ANXA6: variants seen among roughly 807,000 people sequenced by gnomAD.
ANXA6 encodes the protein annexin A6, also known as 67 kDa calelectrin.
In ANXA6, 71 loss-of-function variants were observed where a neutral mutation model predicts 95.4. The observed-to-expected ratio is 0.74, with a 90% CI of 0.61 to 0.91. The LOEUF is 0.91. ANXA6 is among the 40% of genes least tolerant of loss of function. The pLI, the probability that ANXA6 is intolerant of heterozygous loss-of-function variation, is 0.00. For missense variants in ANXA6, 830 were observed against 876.4 expected, an observed-to-expected ratio of 0.95 and a Z score of 0.67; for synonymous variants, 289 against 315.9, an observed-to-expected ratio of 0.91 and a Z score of 0.90.
chr5:151,143,801 A>G (rs1322482231), intron 2 of ANXA6, among the ~76,000 whole-genome samples: 1 of 152,076 alleles, frequency 6.6e-6, no homozygotes, highest in East Asian at 1.9e-4. Flanking sequence ...ATGACTGCGA[A>G]TATATTCCAA....
rs549273043 is a variant in ANXA6 at position 151,151,563 on chromosome 5, C to G, written c.-25-3637G>C. 5 of 152,336 alleles carry G rather than the reference C, an allele frequency of 3.3e-5. No individual in the cohort carries two copies. The South Asian group carries it at 8.3e-4, about 25-fold the overall frequency. The allele number at this position is 152,336 out of a possible 1,614,324, so 9.4% of individuals were successfully genotyped here. A position where few individuals can be genotyped will look rare whatever the true frequency, so the allele number is the denominator to read the frequency against. On this transcript the variant is annotated intron_variant, in intron 1 of 25. Transcript: ENST00000354546. ...CCCTGGTTCTGGTTCCCAGTCTGCC[C>G]CCATGTAACCTCAGGCAAGCCAGAT...
At chr5:151,126,543 AAC>A (rs3079845) in intron 13 of ANXA6, 63 bp from the exon 14 acceptor site, 139,071 of 805,580 alleles carry the variant, frequency 0.17, 2,981 homozygotes, top group Admixed American at 0.26. Context: ...CACTCACACC[AAC>A]ACACACACAC....
chr5:151,132,652 G>T (rs1765549772), intron 9 of ANXA6, 81 bp from the exon 10 acceptor site: 1 of 1,212,206 alleles, frequency 8.2e-7, no homozygotes. Flanking sequence ...GAGCAGGGGG[G>T]CACAGTGGCC....
chr5:151,109,963 G>A, intron 21 of ANXA6, 117 bp from the exon 22 acceptor site: 1 of 747,112 alleles, frequency 1.3e-6, no homozygotes, highest in Non-Finnish European at 2.3e-6. Context: ...GGCTCACCCA[G>A]CCATCCAAGG....
chr5:151,153,113 G>GA (rs1766147144), intron 1 of ANXA6, among the ~76,000 whole-genome samples: 1 of 152,146 alleles, frequency 6.6e-6, no homozygotes, highest in African/African-American at 2.4e-5. Flanking sequence ...AAGCTCAGCA[G>GA]TCGAGGCCAT....
chr5:151,102,492 T>C (rs1159006253), intron 25 of ANXA6, among the ~76,000 whole-genome samples: 2 of 152,078 alleles, frequency 1.3e-5, no homozygotes, highest in South Asian at 2.1e-4. Flanking sequence ...TCACTTGAGG[T>C]CAGGAGCTAG....
chr5:151,102,868 T>C (rs1581971716), intron 25 of ANXA6, among the ~76,000 whole-genome samples: 2 of 152,162 alleles, frequency 1.3e-5, no homozygotes, highest in South Asian at 4.1e-4. Context: ...GAGAGCTTAG[T>C]GGGATGATAG....
intron 7 of ANXA6, among the ~76,000 whole-genome samples, chr5:151,135,156 C>T (rs910659386): frequency 3.9e-5 from 6 of 152,152 alleles, no homozygotes; most frequent in African/African-American, 9.7e-5. Flanking sequence ...TATGGCCATC[C>T]CCTCTTCCCC....
chr5:151,107,025 T>C (rs1174725897), intron 23 of ANXA6, among the ~76,000 whole-genome samples: 3 of 152,166 alleles, frequency 2.0e-5, no homozygotes, highest in Non-Finnish European at 4.4e-5. Context: ...GAACATGAGC[T>C]TTGGAGGTAG....
At chr5:151,105,185 G>T in intron 24 of ANXA6, 60 bp downstream of exon 24, 3 of 1,470,550 alleles carry the variant, frequency 2.0e-6, no homozygotes, top group Non-Finnish European at 2.9e-6. Flanking sequence ...ACATCTGTGT[G>T]TTTGTGTGTG....
At chr5:151,107,159 C>A (rs942353148) in intron 23 of ANXA6, among the ~76,000 whole-genome samples, 1 of 152,230 alleles carries the variant, frequency 6.6e-6, no homozygotes, top group African/African-American at 2.4e-5. Context: ...GTGCAACTAA[C>A]TTTGCGCAGG....
At chr5:151,145,931 G>T (rs1326871070) in intron 2 of ANXA6, among the ~76,000 whole-genome samples, 3 of 152,016 alleles carry the variant, frequency 2.0e-5, no homozygotes, top group Non-Finnish European at 4.4e-5. Flanking sequence ...CTCTCCCTAG[G>T]CAGCCTCCCC....
chr5:151,149,665 T>G (rs1035052564), intron 1 of ANXA6, among the ~76,000 whole-genome samples: 1 of 152,160 alleles, frequency 6.6e-6, no homozygotes, highest in Non-Finnish European at 1.5e-5. Flanking sequence ...TTTCGTATTT[T>G]TAGTAGAGAT....
intron 20 of ANXA6, 41 bp downstream of exon 20, chr5:151,117,086 G>A: frequency 6.5e-7 from 1 of 1,531,686 alleles, no homozygotes. Context: ...ACATCTCAGG[G>A]ACACCCGGCA....
intron 1 of ANXA6, among the ~76,000 whole-genome samples, chr5:151,153,519 C>G (rs1390124734): frequency 6.6e-6 from 1 of 152,184 alleles, no homozygotes; most frequent in East Asian, 1.9e-4. Flanking sequence ...TTTGGTCAAC[C>G]ACTGTGGATT....
At chr5:151,129,572 G>T (rs1427096330) in intron 11 of ANXA6, 43 bp from the exon 12 acceptor site, 1 of 1,558,436 alleles carries the variant, frequency 6.4e-7, no homozygotes, top group African/African-American at 1.4e-5. Context: ...TTGAGAGGAG[G>T]CTAGAGTGCT....
intron 10 of ANXA6, 104 bp downstream of exon 10, chr5:151,132,372 C>A (rs1184955615): frequency 4.5e-6 from 4 of 887,506 alleles, no homozygotes; most frequent in Non-Finnish European, 5.1e-6. Flanking sequence ...TTCTCCTTCC[C>A]AATTCTATAC....
intron 13 of ANXA6, among the ~76,000 whole-genome samples, chr5:151,126,762 G>T (rs1271250000): frequency 6.6e-6 from 1 of 152,038 alleles, no homozygotes; most frequent in East Asian, 1.9e-4. Flanking sequence ...TGTCACCCAG[G>T]CTGGGGTGCA....
intron 25 of ANXA6, 61 bp from the exon 26 acceptor site, chr5:151,101,568 T>G (rs1764552395): frequency 7.0e-7 from 1 of 1,437,416 alleles, no homozygotes; most frequent in African/African-American, 1.4e-5. Context: ...TGCCCCCTCC[T>G]CCCGGCTGCC....
Sources: allele counts gnomAD v4.1 joint callset (sites outside exome capture counted in the v4.1 genomes callset), GRCh38; gene constraint gnomAD v4.1.1; transcripts MANE v1.5; gene names NCBI Gene and HGNC (gene_info 2026-07-23, HGNC 2026-07-21).